WEE2: variants seen among roughly 807,000 people sequenced by gnomAD.
The protein encoded by WEE2 is wee1-like protein kinase 2.
A neutral mutation model predicts 60.1 loss-of-function variants in WEE2; 50 were observed. The ratio of observed to expected loss-of-function variants is 0.83; its 90% CI spans 0.66 to 1.05. WEE2 has a LOEUF of 1.05. Among genes scored for constraint, WEE2 ranks in the 50% least tolerant of loss-of-function variants. The probability of loss-of-function intolerance (pLI) is 0.00; values close to 1 mark genes in which losing one functional copy is unlikely to be tolerated. For synonymous variants in WEE2, 240 were observed against 241.0 expected, an observed-to-expected ratio of 1.00 and a Z score of 0.04; for missense variants, 631 against 684.3, an observed-to-expected ratio of 0.92 and a Z score of 0.87.
chr7:141,708,885 A>T lies in WEE2; in HGVS notation c.127A>T (p.Lys43Ter). The T allele has an allele frequency of 6.2e-7, 1 of 1,614,170 alleles. No individual in the cohort carries two copies. Among genetic ancestry groups the T allele is most frequent in the Non-Finnish European group, 8.5e-7 (1 of 1,180,018 alleles). Residue 43 changes from lysine (K) to a stop codon, truncating the protein, a stop_gained, in exon 1 of 12, where the codon AAG becomes TAG. Coordinates refer to ENST00000397541, the MANE Select transcript of WEE2 (RefSeq NM_001105558.1). LOFTEE classifies it high-confidence loss of function. Reference sequence around the variant, plus strand: ...GGAGGCTTCGAGCCAAACCCCAGAGAAGGGTGAAGTGCAGGATTCAGAGGC... The same window carrying T: ...GGAGGCTTCGAGCCAAACCCCAGAGTAGGGTGAAGTGCAGGATTCAGAGGC... Reference protein sequence around the residue: ...SREASSQTPEKGEVQDSEAKG... With the variant: ...SREASSQTPE
At chr7:141,729,408 G>C (rs1308519665) in intron 10 of WEE2, 123 bp from the exon 11 acceptor site, 1 of 1,334,830 alleles carries the variant, frequency 7.5e-7, no homozygotes, top group Non-Finnish European at 1.0e-6. Flanking sequence ...TCTGTACATA[G>C]CTCAGGCTTT....
At chr7:141,712,674 TCTTCC>T (rs1342769382) in intron 1 of WEE2, among the ~76,000 whole-genome samples, 5 of 152,206 alleles carry the variant, frequency 3.3e-5, no homozygotes, top group African/African-American at 9.6e-5. Flanking sequence ...TCTAATATTG[TCTTCC>T]CTGATATGAA....
chr7:141,712,963 G>A (rs1239543556), intron 1 of WEE2, among the ~76,000 whole-genome samples: 3 of 151,968 alleles, frequency 2.0e-5, no homozygotes, highest in African/African-American at 4.8e-5. Context: ...TGATAAACAC[G>A]CAGGAAAGCT....
Position 141,723,968 on chromosome 7 carries a change from A to C in WEE2, c.1055A>C (p.Gln352Pro). Residue 352 changes from glutamine (Q) to proline (P), a missense_variant, in exon 7 of 12, where the codon CAA (glutamine) becomes CCA (proline). By Grantham distance (76) the Gln-to-Pro change is moderately conservative (BLOSUM62 -1). Transcript: ENST00000397541. ...AATATATTCATTTGTCACAAGATGCAAAGTGAATCCTCTGGAGTCATAGAA... is the reference window on the plus strand; with the variant it reads ...AATATATTCATTTGTCACAAGATGCCAAGTGAATCCTCTGGAGTCATAGAA... The part of the protein sequence containing the change: ...PSNIFICHKM[Q>P]SESSGVIEEV... The C allele has an allele frequency of 6.2e-7, 1 of 1,611,226 alleles. No individual in the cohort carries two copies.
In WEE2 at chr7:141,723,922, C is replaced by T; in HGVS notation, c.1028-19C>T. 6.6e-7 allele frequency: 1 copy of T among 1,519,032 alleles called. No homozygotes were observed. The highest frequency in any genetic ancestry group is 1.4e-5 in the African/African-American group (1 of 72,638). The allele number at this position is 1,519,032 out of a possible 1,614,324, so 94.1% of individuals were successfully genotyped here. ...CTTAGAAGTCATTACTTACATCTATCCTGTCATTTTTTTTTCAGGTAATAT... is the reference window on the plus strand; with the variant it reads ...CTTAGAAGTCATTACTTACATCTATTCTGTCATTTTTTTTTCAGGTAATAT... On this transcript the variant is annotated intron_variant, in intron 6 of 11. Coordinates refer to ENST00000397541, the MANE Select transcript of WEE2 (RefSeq NM_001105558.1).
At chr7:141,721,129 TC>T in intron 5 of WEE2, 73 bp downstream of exon 5, 1 of 1,576,060 alleles carries the variant, frequency 6.3e-7, no homozygotes, top group Non-Finnish European at 8.7e-7. Context: ...AAACTTTCCC[TC>T]CTCCTCATAG....
At chr7:141,727,996 C>A (rs1434854913) in intron 10 of WEE2, 2 of 152,502 alleles carry the variant, frequency 1.3e-5, no homozygotes, top group African/African-American at 4.8e-5. Flanking sequence ...ACTTACCTGG[C>A]AGGGAAGATA....
chr7:141,719,731 G>A (rs980941367), intron 4 of WEE2, among the ~76,000 whole-genome samples: 3 of 152,202 alleles, frequency 2.0e-5, no homozygotes, highest in African/African-American at 7.2e-5. Context: ...TTACAGGCGT[G>A]AGCCACTGCA....
chr7:141,709,096 C>A lies in WEE2; in HGVS notation c.338C>A (p.Pro113His). ...KLLPSDSPST[P>H]KTMLSRLVIS... ...CTGCCCAGTGACAGCCCCTCTACTCCCAAAGTAAGTAAGGGGTGGGGGAAA... is the reference window on the plus strand; with the variant it reads ...CTGCCCAGTGACAGCCCCTCTACTCACAAAGTAAGTAAGGGGTGGGGGAAA... The change falls in exon 1 of 12, where the codon CCC (proline) becomes CAC (histidine). Residue 113 changes from proline to histidine, a missense_variant. Physicochemically the swap from Pro to His is moderately conservative, Grantham distance 77. Transcript: ENST00000397541. 1.2e-6 allele frequency: 2 copies of A among 1,611,842 alleles called. No individual in the cohort carries two copies. Among genetic ancestry groups the A allele is most frequent in the East Asian group, 4.5e-5 (2 of 44,858 alleles).
At position 141,714,367 on chromosome 7, in the gene WEE2, T is replaced by G; in HGVS notation, c.501T>G (p.Phe167Leu). Residue 167 changes from phenylalanine (F) to leucine (L), a missense_variant, in exon 2 of 12, where the codon TTT becomes TTG. Coordinates refer to ENST00000397541, the MANE Select transcript of WEE2 (RefSeq NM_001105558.1). ...PFTPESYKKL[F>L]LQSGGKRKIR... ...CTCCAGAGTCCTATAAAAAATTATT[T>G]CTTCAATCTGGTGGCAAGAGGAAAA... is the stretch of plus-strand genomic sequence containing the variant. The G allele has an allele frequency of 6.2e-7, 1 of 1,611,908 alleles. No homozygotes were observed. Among genetic ancestry groups the G allele is most frequent in the Non-Finnish European group, 8.5e-7 (1 of 1,179,346 alleles).
intron 9 of WEE2, 86 bp from the exon 10 acceptor site, chr7:141,727,218 G>A (rs1389224373): frequency 7.0e-7 from 1 of 1,426,938 alleles, no homozygotes; most frequent in Non-Finnish European, 9.6e-7. Flanking sequence ...TCCACCAGGA[G>A]AAGCTGGGTT....
intron 4 of WEE2, among the ~76,000 whole-genome samples, chr7:141,720,141 C>CTT (rs571238574): frequency 0.036 from 2,283 of 64,152 alleles, 254 homozygotes; most frequent in East Asian, 0.07. Flanking sequence ...TAGAATTCCT[C>CTT]TTTTTTTTTT....
intron 4 of WEE2, 38 bp from the exon 5 acceptor site, chr7:141,720,896 AT>A: frequency 6.3e-7 from 1 of 1,599,162 alleles, no homozygotes; most frequent in Non-Finnish European, 8.6e-7. Flanking sequence ...CATTATCTTG[AT>A]TGATGTTTTT....
intron 10 of WEE2, chr7:141,727,720 C>A: frequency 2.6e-6 from 1 of 382,974 alleles, no homozygotes; most frequent in Non-Finnish European, 4.7e-6. Context: ...GTAAAGAAAA[C>A]TTAGGATTCT....
At chr7:141,728,842 T>C (rs146879347) in intron 10 of WEE2, among the ~76,000 whole-genome samples, 12 of 152,340 alleles carry the variant, frequency 7.9e-5, no homozygotes, top group African/African-American at 2.9e-4. Flanking sequence ...TATTGTAAAC[T>C]GTGCATGTGA....
At position 141,730,393 on chromosome 7, in the gene WEE2, G is replaced by C. The variant is rs779276070; in HGVS notation, c.*73G>C. ...TTGCTGTTGCTGATTCCCCACCAAA[G>C]ATCCCAGGGACTCGTTGTACATAGA... is the stretch of plus-strand genomic sequence containing the variant. On this transcript the variant is annotated 3_prime_UTR_variant, in exon 12 of 12. Transcript: ENST00000397541. 3.3e-5 allele frequency: 45 copies of C among 1,353,836 alleles called. No homozygotes were observed. The highest frequency in any genetic ancestry group is 4.2e-5 in the Non-Finnish European group (40 of 951,478). The allele number at this position is 1,353,836 out of a possible 1,614,324, so 83.9% of individuals were successfully genotyped here. A position where few individuals can be genotyped will look rare whatever the true frequency, so the allele number is the denominator to read the frequency against.
chr7:141,724,311 T>C, intron 8 of WEE2, 36 bp downstream of exon 8: 1 of 1,560,038 alleles, frequency 6.4e-7, no homozygotes, highest in Non-Finnish European at 8.7e-7. Flanking sequence ...TTTTATAATC[T>C]GTTGAACCTT....
chr7:141,724,165 C>A (rs1176618383), intron 7 of WEE2, 25 bp from the exon 8 acceptor site: 4 of 1,594,074 alleles, frequency 2.5e-6, no homozygotes, highest in Non-Finnish European at 3.4e-6. Context: ...CGATTTTATT[C>A]TTTTTTCCTT....
rs1272479765 is a variant in WEE2, at chr7:141,711,046, G to T, written c.342+1946G>T. Among the ~76,000 whole-genome samples, 42 of 151,938 alleles carry T rather than the reference G, an allele frequency of 2.8e-4. No homozygotes were observed. The highest frequency in any genetic ancestry group is 2.8e-3 in the Admixed American group (42 of 15,242). ...AATTCAGAGATGACTTGATGGAGAG[G>T]TCGAGGGAAAACGAAAACAATCTGA... On this transcript the variant is annotated intron_variant, in intron 1 of 11. Transcript: ENST00000397541. The surrounding 1 kb of genome is among the most constrained non-coding windows in gnomAD (Gnocchi z 4.2).
Sources: allele counts gnomAD v4.1 joint callset (sites outside exome capture counted in the v4.1 genomes callset), GRCh38; gene constraint gnomAD v4.1.1; non-coding constraint Gnocchi (gnomAD v3.1); transcripts MANE v1.5; gene names NCBI Gene and HGNC (gene_info 2026-07-23, HGNC 2026-07-21).